Variants in ATP6V1E1 observed in about 807,000 individuals in gnomAD.
ATP6V1E1 encodes the protein V-type proton ATPase subunit E 1.
A neutral mutation model predicts 35.2 loss-of-function variants in ATP6V1E1; 21 were observed. The ratio of observed to expected loss-of-function variants is 0.60; its 90% CI spans 0.42 to 0.86. ATP6V1E1 has a LOEUF of 0.86. Among genes scored for constraint, ATP6V1E1 ranks in the 40% least tolerant of loss-of-function variants. The pLI is 0.00. For synonymous variants in ATP6V1E1, 83 were observed against 87.8 expected (o/e 0.95, Z 0.30); for missense variants, 183 against 272.6 (o/e 0.67, Z 2.32).
intron 2 of ATP6V1E1, among the ~76,000 whole-genome samples, chr22:17,614,845 T>C (rs559071635): frequency 1.3e-5 from 2 of 151,410 alleles, no homozygotes; most frequent in South Asian, 4.2e-4. Flanking sequence ...GGCAGTCGCC[T>C]GTAGTCCCAG....
intron 1 of ATP6V1E1, among the ~76,000 whole-genome samples, chr22:17,619,916 T>C (rs1397209003): frequency 6.6e-6 from 1 of 152,202 alleles, no homozygotes; most frequent in Non-Finnish European, 1.5e-5. Flanking sequence ...GAATACAAGT[T>C]AGCCAGCACC....
At chr22:17,605,689 TTC>T (rs200832041) in intron 4 of ATP6V1E1, among the ~76,000 whole-genome samples, 2 of 122,948 alleles carry the variant, frequency 1.6e-5, no homozygotes, top group Non-Finnish European at 3.3e-5. Context: ...AGGTAGATGT[TTC>T]TCTTTTTTTT....
intron 7 of ATP6V1E1, among the ~76,000 whole-genome samples, chr22:17,596,292 G>A (rs561425092): frequency 3.3e-5 from 5 of 152,272 alleles, no homozygotes; most frequent in African/African-American, 1.2e-4. Flanking sequence ...GTTGGGAGGT[G>A]GAGCATAGTA....
intron 6 of ATP6V1E1, among the ~76,000 whole-genome samples, chr22:17,598,498 A>AT (rs1294738863): frequency 1.3e-5 from 2 of 152,210 alleles, no homozygotes; most frequent in African/African-American, 4.8e-5. Context: ...TTCTGTCAAG[A>AT]TTTAACAGGG....
chr22:17,628,220 C>A (rs2057932280), intron 1 of ATP6V1E1, among the ~76,000 whole-genome samples: 1 of 152,180 alleles, frequency 6.6e-6, no homozygotes, highest in Non-Finnish European at 1.5e-5. Context: ...GCCGCCTCGG[C>A]CTCCCAAAAT....
intron 8 of ATP6V1E1, among the ~76,000 whole-genome samples, chr22:17,593,543 G>A (rs148970526): frequency 6.6e-6 from 1 of 152,284 alleles, no homozygotes; most frequent in Admixed American, 6.5e-5. Flanking sequence ...GCTACAGATG[G>A]TTATTGTGTG....
At chr22:17,622,954 G>A (rs1434952913) in intron 1 of ATP6V1E1, among the ~76,000 whole-genome samples, 4 of 152,176 alleles carry the variant, frequency 2.6e-5, no homozygotes, top group Non-Finnish European at 4.4e-5. Context: ...CAAGAAGAGC[G>A]AAACTCCGTC....
chr22:17,594,657 C>G (rs1366581808), intron 7 of ATP6V1E1, 41 bp from the exon 8 acceptor site: 2 of 1,479,892 alleles, frequency 1.4e-6, no homozygotes, highest in South Asian at 2.6e-5. Flanking sequence ...TTTTCAAAGA[C>G]TTGAGAAAGA....
intron 2 of ATP6V1E1, chr22:17,619,223 C>T (rs2057862674): frequency 5.9e-6 from 3 of 505,762 alleles, no homozygotes; most frequent in Non-Finnish European, 1.1e-5. Context: ...ACCTGGGAGG[C>T]GGAGTTTGCA....
At chr22:17,615,719 G>A (rs1490525436) in intron 2 of ATP6V1E1, among the ~76,000 whole-genome samples, 1 of 152,048 alleles carries the variant, frequency 6.6e-6, no homozygotes, top group Non-Finnish European at 1.5e-5. Context: ...CCAACATGGT[G>A]AAACCCCATC....
intron 1 of ATP6V1E1, 38 bp downstream of exon 1, chr22:17,628,565 G>T: frequency 6.2e-7 from 1 of 1,613,726 alleles, no homozygotes. Context: ...CCCCGGGACT[G>T]CCGCCGCGGC....
At chr22:17,614,320 AG>A (rs2057830980) in intron 2 of ATP6V1E1, among the ~76,000 whole-genome samples, 1 of 152,062 alleles carries the variant, frequency 6.6e-6, no homozygotes, top group Admixed American at 6.6e-5. Flanking sequence ...ACTGCACTCT[AG>A]CTTAGGGAAG....
At chr22:17,597,999 T>A in intron 7 of ATP6V1E1, 195 bp downstream of exon 7, 1 of 559,712 alleles carries the variant, frequency 1.8e-6, no homozygotes, top group Admixed American at 3.3e-5. Flanking sequence ...TAGAGTATAT[T>A]TAGCCAGCCA....
chr22:17,607,551 C>A lies in ATP6V1E1; in HGVS notation c.276+5261G>T, dbSNP rs75788911. 1.0e-2 allele frequency among the ~76,000 whole-genome samples: 1,518 copies of A among 152,196 alleles called. 21 individuals are homozygous for A. The highest frequency in any genetic ancestry group is 0.034 in the African/African-American group (1,419 of 41,524). On this transcript the variant is annotated intron_variant, in intron 4 of 8. Transcript: ENST00000253413. ...TGTAAGTCACCAAGTCCTACAGATT[C>A]CTACCTTTTTAGGATCTCTGGAATA...
At chr22:17,612,598 A>G (rs2057820761) in intron 4 of ATP6V1E1, 1 of 508,266 alleles carries the variant, frequency 2.0e-6, no homozygotes, top group Non-Finnish European at 3.5e-6. Context: ...AGTGTGTGCT[A>G]TAATCCAGGA....
chr22:17,601,489 C>T (rs1296450349), intron 4 of ATP6V1E1, among the ~76,000 whole-genome samples: 1 of 152,056 alleles, frequency 6.6e-6, no homozygotes, highest in Admixed American at 6.6e-5. Flanking sequence ...GAAAAGCAAG[C>T]TATTAAACGG....
intron 1 of ATP6V1E1, among the ~76,000 whole-genome samples, chr22:17,626,501 A>G (rs1258422891): frequency 6.6e-6 from 1 of 151,704 alleles, no homozygotes; most frequent in Non-Finnish European, 1.5e-5. Context: ...CAGCCTCCCT[A>G]AGTAGCTAGG....
At chr22:17,594,133 T>G (rs1171220663) in intron 8 of ATP6V1E1, among the ~76,000 whole-genome samples, 1 of 151,748 alleles carries the variant, frequency 6.6e-6, no homozygotes, top group Non-Finnish European at 1.5e-5. Flanking sequence ...ACCTGGGAGG[T>G]GGAAGTTGCA....
intron 4 of ATP6V1E1, among the ~76,000 whole-genome samples, chr22:17,605,596 T>C (rs965000115): frequency 6.6e-6 from 1 of 151,788 alleles, no homozygotes; most frequent in Admixed American, 6.6e-5. Context: ...TAAAGAACTA[T>C]CATTCACTCA....
Sources: allele counts gnomAD v4.1 joint callset (sites outside exome capture counted in the v4.1 genomes callset), GRCh38; gene constraint gnomAD v4.1.1; transcripts MANE v1.5; gene names NCBI Gene and HGNC (gene_info 2026-07-23, HGNC 2026-07-21).